SLC25A48: variants seen among roughly 807,000 people sequenced by gnomAD.
The protein encoded by SLC25A48 is solute carrier family 25 member 48.
SLC25A48 carries 29 observed loss-of-function variants against 32.2 expected under a neutral mutation model. The observed-to-expected ratio is 0.90, with a 90% confidence interval of 0.67 to 1.23. SLC25A48 has a LOEUF of 1.23. Among genes scored for constraint, SLC25A48 ranks in the 50% most tolerant of loss-of-function variants. The pLI is 0.00. For synonymous variants in SLC25A48, 164 were observed against 172.3 expected, an observed-to-expected ratio of 0.95 and a Z score of 0.38; for missense variants, 399 against 422.7, an observed-to-expected ratio of 0.94 and a Z score of 0.49.
chr5:135,596,919 GC>G (rs1751667887), intron 1 of SLC25A48, among the ~76,000 whole-genome samples: 1 of 152,180 alleles, frequency 6.6e-6, no homozygotes, highest in Admixed American at 6.5e-5. Context: ...CTGAAACCCA[GC>G]TCTGCCACTG....
intron 6 of SLC25A48, among the ~76,000 whole-genome samples, chr5:135,877,150 G>A (rs1762123883): frequency 6.6e-6 from 1 of 152,202 alleles, no homozygotes; most frequent in Non-Finnish European, 1.5e-5. Flanking sequence ...TGGACTTGTC[G>A]AGGCATCCCC....
At chr5:135,785,439 G>C (rs1756813383) in intron 3 of SLC25A48, among the ~76,000 whole-genome samples, 1 of 151,694 alleles carries the variant, frequency 6.6e-6, no homozygotes, top group South Asian at 2.1e-4. Flanking sequence ...TATGCGGCGG[G>C]AGGTGGAACA....
At chr5:135,633,924 C>T (rs779678530) in intron 2 of SLC25A48, among the ~76,000 whole-genome samples, 1 of 152,124 alleles carries the variant, frequency 6.6e-6, no homozygotes, top group Non-Finnish European at 1.5e-5. Flanking sequence ...AAATGGCTAA[C>T]ATATTCCTCA....
chr5:135,804,079 C>A (rs1319437411), intron 3 of SLC25A48, among the ~76,000 whole-genome samples: 1 of 151,548 alleles, frequency 6.6e-6, no homozygotes, highest in Non-Finnish European at 1.5e-5. Context: ...ACATGATCTC[C>A]ACACATGATG....
At chr5:135,838,936 G>T (rs1448122904) in intron 1 of SLC25A48, among the ~76,000 whole-genome samples, 1 of 152,206 alleles carries the variant, frequency 6.6e-6, no homozygotes, top group Non-Finnish European at 1.5e-5. Context: ...CCCCACTGGG[G>T]CAATGCCTAG....
At position 135,871,494 on chromosome 5, in the gene SLC25A48, C is replaced by A. The variant is rs1561551214; in HGVS notation, c.455C>A (p.Pro152His). The change falls in exon 5 of 8, where the codon CCT (proline) becomes CAT (histidine). Residue 152 changes from proline to histidine, a missense_variant. Transcript: ENST00000681962. ...GGTTTGAAGTCCAGGGCAGTGGCTCCTGCGGAGCAGCCAGCATACCAGGGG... is the reference window on the plus strand; with the variant it reads ...GGTTTGAAGTCCAGGGCAGTGGCTCATGCGGAGCAGCCAGCATACCAGGGG... The part of the protein sequence containing the change: ...NLGLKSRAVA[P>H]AEQPAYQGPV... 1 of 1,606,462 alleles carries A rather than the reference C, an allele frequency of 6.2e-7. No homozygotes were observed. The highest frequency in any genetic ancestry group is 1.7e-5 in the Admixed American group (1 of 59,792).
intron 2 of SLC25A48, 58 bp downstream of exon 2, chr5:135,842,517 CT>C: frequency 6.6e-7 from 1 of 1,511,016 alleles, no homozygotes; most frequent in Non-Finnish European, 9.2e-7. Flanking sequence ...TGACCTGCCT[CT>C]GGGACTATTC....
At chr5:135,834,923 A>G (rs2126675800) in intron 1 of SLC25A48, 30 bp downstream of exon 1, 1 of 1,592,376 alleles carries the variant, frequency 6.3e-7, no homozygotes, top group East Asian at 2.3e-5. Flanking sequence ...ACCCCCGGTC[A>G]GAGAGAGCGA....
chr5:135,878,751 A>T (rs1049512821), intron 6 of SLC25A48, among the ~76,000 whole-genome samples: 4 of 152,234 alleles, frequency 2.6e-5, no homozygotes, highest in African/African-American at 9.6e-5. Flanking sequence ...TTAGAAAATT[A>T]TACAGGAATC....
chr5:135,597,591 C>T (rs987993146), intron 1 of SLC25A48, among the ~76,000 whole-genome samples: 2 of 152,196 alleles, frequency 1.3e-5, no homozygotes, highest in Non-Finnish European at 1.5e-5. Flanking sequence ...GAATGGCCTC[C>T]ACCTCACTTC....
intron 3 of SLC25A48, among the ~76,000 whole-genome samples, chr5:135,682,271 A>G (rs1753914735): frequency 6.6e-6 from 1 of 152,120 alleles, no homozygotes; most frequent in Non-Finnish European, 1.5e-5. Context: ...CTGATGTCTG[A>G]AAACTGTGGT....
intron 3 of SLC25A48, among the ~76,000 whole-genome samples, chr5:135,761,567 T>G (rs568802480): frequency 6.6e-6 from 1 of 152,208 alleles, no homozygotes; most frequent in Admixed American, 6.5e-5. Context: ...TTACTGAAAA[T>G]GTTGTACAGT....
chr5:135,809,012 T>C (rs1757532955), intron 3 of SLC25A48, among the ~76,000 whole-genome samples: 1 of 152,012 alleles, frequency 6.6e-6, no homozygotes, highest in Non-Finnish European at 1.5e-5. Flanking sequence ...ATAATTAAAA[T>C]GTTATAGGCT....
intron 1 of SLC25A48, chr5:135,835,203 C>T (rs1453542365): frequency 3.3e-6 from 2 of 597,736 alleles, no homozygotes; most frequent in Non-Finnish European, 6.3e-6. Context: ...CTCCTGGCGG[C>T]GCACACACCC....
chr5:135,752,417 C>A (rs1362905612), intron 3 of SLC25A48, among the ~76,000 whole-genome samples: 3 of 152,178 alleles, frequency 2.0e-5, no homozygotes, highest in African/African-American at 7.2e-5. Context: ...ACTAAAAATA[C>A]AAAAATTAGG....
upstream of SLC25A48, among the ~76,000 whole-genome samples, chr5:135,832,864 C>A (rs190163329): frequency 8.0e-4 from 122 of 152,234 alleles, no homozygotes; most frequent in Non-Finnish European, 1.5e-3. Context: ...GCTTTCTGGC[C>A]CTAGTCATGC....
At chr5:135,825,087 G>A (rs1422862244) in intron 4 of SLC25A48, 2 of 152,198 alleles carry the variant, frequency 1.3e-5, no homozygotes, top group Non-Finnish European at 2.9e-5. Flanking sequence ...CAACAATAAA[G>A]CCATTGTGAG....
At chr5:135,652,010 A>G (rs1753125879) in intron 3 of SLC25A48, among the ~76,000 whole-genome samples, 1 of 152,254 alleles carries the variant, frequency 6.6e-6, no homozygotes, top group Non-Finnish European at 1.5e-5. Flanking sequence ...GAGATTAATA[A>G]TCAGACAAAA....
At chr5:135,712,117 T>C (rs1026226762) in intron 3 of SLC25A48, among the ~76,000 whole-genome samples, 5 of 152,236 alleles carry the variant, frequency 3.3e-5, no homozygotes, top group African/African-American at 1.2e-4. Flanking sequence ...CATTGTTTTC[T>C]TTCAGTGGGA....
Sources: allele counts gnomAD v4.1 joint callset (sites outside exome capture counted in the v4.1 genomes callset), GRCh38; gene constraint gnomAD v4.1.1; transcripts MANE v1.5; gene names NCBI Gene and HGNC (gene_info 2026-07-23, HGNC 2026-07-21).